Variants in LMO7 observed in about 807,000 individuals in gnomAD.
LMO7 encodes the protein LIM domain 7, also known as LIM domain only protein 7.
LMO7 carries 120 observed loss-of-function variants against 206.5 expected under a neutral mutation model. The ratio of observed to expected loss-of-function variants is 0.58; its 90% CI spans 0.50 to 0.68. The LOEUF (loss-of-function observed/expected upper bound fraction) is 0.68, where lower values mean the gene tolerates loss of function less well. LMO7 is among the 30% of genes least tolerant of loss of function. The probability of loss-of-function intolerance (pLI) is 0.00; values close to 1 mark genes in which losing one functional copy is unlikely to be tolerated. For synonymous variants in LMO7, 706 were observed against 681.5 expected (o/e 1.04, Z -0.56); for missense variants, 1,959 against 1,957.9 (o/e 1.00, Z -0.01).
In LMO7 at chr13:75,817,231, C is replaced by A; in HGVS notation, c.2017C>A (p.Gln673Lys). The A allele has an allele frequency of 3.1e-6, 5 of 1,613,400 alleles. No homozygotes were observed. The highest frequency in any genetic ancestry group is 4.2e-6 in the Non-Finnish European group (5 of 1,179,538). Residue 673 changes from glutamine to lysine, a missense_variant, in exon 12 of 31, where the codon CAG becomes AAG. Transcript: ENST00000377534. ...GCGTCAGCTGCGTTACGAGGAGATG[C>A]AGAAAATAAAATCACAATTAAAAGA... ...NLRQLRYEEM[Q>K]KIKSQLKEQD... is the part of the protein sequence containing the mutation.
chr13:75,806,050 A>G, intron 9 of LMO7: 1 of 1,161,602 alleles, frequency 8.6e-7, no homozygotes, highest in Non-Finnish European at 1.1e-6. Flanking sequence ...TCTTCATGTC[A>G]CTCACAGTAG....
intron 4 of LMO7, among the ~76,000 whole-genome samples, chr13:75,768,355 C>T (rs2049172237): frequency 6.6e-6 from 1 of 151,958 alleles, no homozygotes; most frequent in South Asian, 2.1e-4. Flanking sequence ...TATGGTTAAT[C>T]AAATTGTTGA....
At chr13:75,823,313 T>C (rs972353633) in intron 14 of LMO7, among the ~76,000 whole-genome samples, 1 of 152,216 alleles carries the variant, frequency 6.6e-6, no homozygotes, top group Non-Finnish European at 1.5e-5. Flanking sequence ...CTTAAGATGT[T>C]TGCTTGGAGT....
chr13:75,813,826 T>A (rs1191278840), intron 11 of LMO7, among the ~76,000 whole-genome samples: 1 of 152,214 alleles, frequency 6.6e-6, no homozygotes, highest in Non-Finnish European at 1.5e-5. Flanking sequence ...CTTTCTAGCC[T>A]TCCTCCCATC....
chr13:75,807,350 C>T (rs2055671928), intron 9 of LMO7, 130 bp from the exon 10 acceptor site: 3 of 886,296 alleles, frequency 3.4e-6, no homozygotes, highest in African/African-American at 3.4e-5. Flanking sequence ...CACAATGGTC[C>T]TCTAAAATGA....
chr13:75,712,186 G>A (rs1298751349), intron 1 of LMO7, among the ~76,000 whole-genome samples: 1 of 152,196 alleles, frequency 6.6e-6, no homozygotes, highest in African/African-American at 2.4e-5. Context: ...GTTGAGCCCT[G>A]GAGCCAACCT....
intron 1 of LMO7, among the ~76,000 whole-genome samples, chr13:75,698,670 C>T (rs1435902012): frequency 2.7e-5 from 4 of 148,174 alleles, no homozygotes; most frequent in African/African-American, 7.5e-5. Flanking sequence ...AGCTTAACTT[C>T]TGTTGAACTT....
chr13:75,823,579 GAA>G lies in LMO7; in HGVS notation c.2656_2657del (p.Lys886ValfsTer2). ...TTCTTATTTAGATGGATGATGCTTG[GAA>G]GTATAATGGAGATGTTGAAGACATT... is the stretch of plus-strand genomic sequence containing the variant. Reference protein sequence around the residue: ...PRSYTMDDAWKYNGDVEDIKR... With the variant: ...PRSYTMDDAWXYNGDVEDIKR... On this transcript the variant is annotated frameshift_variant, in exon 15 of 31. Transcript: ENST00000377534. LOFTEE classifies it high-confidence loss of function. 6.2e-7 allele frequency: 1 copy of G among 1,607,076 alleles called. No individual in the cohort carries two copies. Among genetic ancestry groups the G allele is most frequent in the Non-Finnish European group, 8.5e-7 (1 of 1,174,070 alleles).
intron 3 of LMO7, among the ~76,000 whole-genome samples, chr13:75,737,122 G>A (rs925344230): frequency 1.3e-5 from 2 of 152,078 alleles, no homozygotes; most frequent in Non-Finnish European, 2.9e-5. Flanking sequence ...CTCATACTGG[G>A]GTAAGGAGGG....
At chr13:75,773,169 C>T (rs1309213486) in intron 4 of LMO7, among the ~76,000 whole-genome samples, 1 of 152,012 alleles carries the variant, frequency 6.6e-6, no homozygotes, top group Non-Finnish European at 1.5e-5. Flanking sequence ...GGAGGTACAG[C>T]ATTGAGTAAA....
intron 4 of LMO7, among the ~76,000 whole-genome samples, chr13:75,790,534 A>G (rs1595026897): frequency 1.3e-5 from 2 of 152,288 alleles, no homozygotes; most frequent in Admixed American, 6.5e-5. Flanking sequence ...GACCCACAGC[A>G]TCTATGTAGA....
intron 2 of LMO7, among the ~76,000 whole-genome samples, chr13:75,625,005 T>C (rs954321989): frequency 2.1e-4 from 32 of 152,210 alleles, no homozygotes; most frequent in African/African-American, 7.2e-4. Flanking sequence ...GCATGAGAAA[T>C]GCTGCCTGTG....
At chr13:75,842,038 C>T in intron 24 of LMO7, 55 bp downstream of exon 24, 1 of 1,313,914 alleles carries the variant, frequency 7.6e-7, no homozygotes, top group Non-Finnish European at 1.1e-6. Context: ...TTCCCCACTT[C>T]AAAGGCACCC....
intron 1 of LMO7, among the ~76,000 whole-genome samples, chr13:75,659,554 C>G (rs1445536318): frequency 6.6e-6 from 1 of 151,366 alleles, no homozygotes; most frequent in Non-Finnish European, 1.5e-5. Flanking sequence ...GTGGAAACCC[C>G]TGATAAATCC....
upstream of LMO7, chr13:75,636,225 G>C: frequency 1.1e-6 from 1 of 921,660 alleles, no homozygotes; most frequent in East Asian, 1.2e-4. Context: ...CCAAGGGAGG[G>C]GCAGACGGAA....
intron 19 of LMO7, 31 bp from the exon 20 acceptor site, chr13:75,838,109 A>T: frequency 7.7e-7 from 1 of 1,303,284 alleles, no homozygotes; most frequent in Non-Finnish European, 1.1e-6. Flanking sequence ...ATAAAAATGA[A>T]TGACATAGTG....
intron 3 of LMO7, among the ~76,000 whole-genome samples, chr13:75,748,842 G>A (rs2047064394): frequency 6.7e-6 from 1 of 149,186 alleles, no homozygotes; most frequent in African/African-American, 2.5e-5. Context: ...ACAGGGTCTG[G>A]TTCTTTCACT....
At chr13:75,722,903 G>A (rs551424869) in intron 2 of LMO7, among the ~76,000 whole-genome samples, 1 of 152,270 alleles carries the variant, frequency 6.6e-6, no homozygotes, top group East Asian at 1.9e-4. Flanking sequence ...TATTCTAAGT[G>A]AAGTAACTCA....
Position 75,823,878 on chromosome 13 carries a change from G to A in LMO7, c.2949+5G>A. Reference sequence around the variant, plus strand: ...AGAGAAGTCTCAAGATCCCAGGTGAGTTTGGAAAAGTTCTTTATCATCTGT... The same window carrying A: ...AGAGAAGTCTCAAGATCCCAGGTGAATTTGGAAAAGTTCTTTATCATCTGT... On this transcript the variant is annotated splice_donor_5th_base_variant and intron_variant, in intron 15 of 30. Coordinates refer to ENST00000377534, the MANE Select transcript of LMO7 (RefSeq NM_001306080.2). The A allele has an allele frequency of 1.9e-6, 3 of 1,610,584 alleles. No individual in the cohort carries two copies. The highest frequency in any genetic ancestry group is 2.5e-6 in the Non-Finnish European group (3 of 1,177,334).
Sources: allele counts gnomAD v4.1 joint callset (sites outside exome capture counted in the v4.1 genomes callset), GRCh38; gene constraint gnomAD v4.1.1; transcripts MANE v1.5; gene names NCBI Gene and HGNC (gene_info 2026-07-23, HGNC 2026-07-21).